PCNX2: variants seen among roughly 807,000 people sequenced by gnomAD.
The protein encoded by PCNX2 is pecanex 2, also known as pecanex-like protein 2.
Under a neutral mutation model 223.8 loss-of-function variants are expected in PCNX2, and 168 were observed. The ratio of observed to expected loss-of-function variants is 0.75; its 90% CI spans 0.66 to 0.85. The LOEUF (loss-of-function observed/expected upper bound fraction) is 0.85. Ranked by LOEUF, PCNX2 falls within the 40% of genes least tolerant of loss-of-function variation. The probability of loss-of-function intolerance (pLI) is 0.00; values close to 1 mark genes in which losing one functional copy is unlikely to be tolerated. For synonymous variants in PCNX2, 1,006 were observed against 1,052.6 expected (o/e 0.96, Z 0.86); for missense variants, 2,507 against 2,675.5 (o/e 0.94, Z 1.39).
In PCNX2 at chr1:233,093,068, G is replaced by A. The variant is rs150806848; in HGVS notation, c.3946+2687C>T. Among the ~76,000 whole-genome samples, 82 of 152,216 alleles carry A rather than the reference G, an allele frequency of 5.4e-4. No homozygotes were observed. In the East Asian group the frequency reaches 0.013, roughly 23 times the overall value. On this transcript the variant is annotated intron_variant, in intron 22 of 33. Transcript: ENST00000258229. The stretch of plus-strand genomic sequence containing the variant: ...CCCTCCTTGGCCTCCCAAAGTGCTG[G>A]GATTACAGGCGTGAGCCACTGTGCC...
At chr1:233,068,643 C>G (rs1672720310) in intron 23 of PCNX2, among the ~76,000 whole-genome samples, 1 of 151,910 alleles carries the variant, frequency 6.6e-6, no homozygotes, top group Non-Finnish European at 1.5e-5. Flanking sequence ...ATGACAGTAC[C>G]AGTAGATTTT....
At chr1:233,102,304 A>G (rs915934467) in intron 21 of PCNX2, among the ~76,000 whole-genome samples, 37 of 152,094 alleles carry the variant, frequency 2.4e-4, no homozygotes, top group African/African-American at 8.9e-4. Flanking sequence ...GGTTGATTCC[A>G]TATTTTGGCT....
At chr1:233,326,287 T>C in the PCNX2 span, among the ~76,000 whole-genome samples, 1 of 152,238 alleles carries the variant, frequency 6.6e-6, no homozygotes, top group African/African-American at 2.4e-5. Context: ...AGTATGCCCA[T>C]ACTTTAAATA....
chr1:233,055,806 C>T (rs1672171826), intron 24 of PCNX2, among the ~76,000 whole-genome samples: 1 of 152,128 alleles, frequency 6.6e-6, no homozygotes, highest in South Asian at 2.1e-4. Flanking sequence ...GGGATGAAGA[C>T]TGCAGATCTG....
intron 21 of PCNX2, among the ~76,000 whole-genome samples, chr1:233,132,873 C>T (rs1325880495): frequency 6.6e-6 from 1 of 151,390 alleles, no homozygotes; most frequent in African/African-American, 2.4e-5. Flanking sequence ...GGATTGAACT[C>T]CTCTGGCACA....
chr1:233,309,050 A>C, the PCNX2 span, among the ~76,000 whole-genome samples: 1 of 152,196 alleles, frequency 6.6e-6, no homozygotes, highest in Non-Finnish European at 1.5e-5. Flanking sequence ...AAGAGGCAAA[A>C]GTTCCTCAGA....
intron 21 of PCNX2, among the ~76,000 whole-genome samples, chr1:233,102,251 T>C (rs767592168): frequency 3.7e-4 from 57 of 152,292 alleles, no homozygotes; most frequent in Non-Finnish European, 6.2e-4. Flanking sequence ...ATTGTGTATA[T>C]ATACACGGTT....
rs147858811 is a variant in PCNX2 at position 232,995,455 on chromosome 1, T to C, written c.5791+2796A>G. ...AGAAATTAACAGCTGGTTTAGGCTTTAGTAGATCCTGCTCCAGAGTAAGCG... is the reference window on the plus strand; with the variant it reads ...AGAAATTAACAGCTGGTTTAGGCTTCAGTAGATCCTGCTCCAGAGTAAGCG... On this transcript the variant is annotated intron_variant, in intron 32 of 33. Coordinates refer to ENST00000258229, the MANE Select transcript of PCNX2 (RefSeq NM_014801.4). 7.7e-4 allele frequency among the ~76,000 whole-genome samples: 118 copies of C among 152,300 alleles called. 1 individual carries two copies. The highest frequency in any genetic ancestry group is 2.5e-3 in the African/African-American group (103 of 41,538).
At chr1:233,161,226 G>C (rs756486806) in intron 18 of PCNX2, 45 bp downstream of exon 18, 3 of 1,531,414 alleles carry the variant, frequency 2.0e-6, no homozygotes, top group East Asian at 2.3e-5. Flanking sequence ...TTGTTATTAA[G>C]GAGAATAAGG....
At chr1:233,244,619 G>A (rs1248529689) in intron 8 of PCNX2, among the ~76,000 whole-genome samples, 1 of 152,144 alleles carries the variant, frequency 6.6e-6, no homozygotes, top group Non-Finnish European at 1.5e-5. Flanking sequence ...GGATGAGGCA[G>A]GAGAATTGTT....
At chr1:233,021,227 T>C (rs1670878343) in intron 26 of PCNX2, among the ~76,000 whole-genome samples, 1 of 152,084 alleles carries the variant, frequency 6.6e-6, no homozygotes, top group Non-Finnish European at 1.5e-5. Context: ...GCAGTACCAA[T>C]GTGAATTAAA....
chr1:233,137,224 C>T (rs954924892), intron 20 of PCNX2, among the ~76,000 whole-genome samples: 4 of 152,150 alleles, frequency 2.6e-5, no homozygotes, highest in African/African-American at 9.7e-5. Flanking sequence ...CTGAGTTCTC[C>T]GGTTTCCTCA....
intron 1 of PCNX2, chr1:233,289,347 A>C: frequency 8.9e-7 from 1 of 1,124,808 alleles, no homozygotes; most frequent in Non-Finnish European, 1.4e-6. Flanking sequence ...CTTGAGGTCC[A>C]AGTTCATCTC....
At position 233,016,983 on chromosome 1, in the gene PCNX2, G is replaced by A. The variant is rs751554663; in HGVS notation, c.4777C>T (p.Arg1593Ter). 32 of 1,613,718 alleles carry A rather than the reference G, an allele frequency of 2.0e-5. No homozygotes were observed. Among genetic ancestry groups the A allele is most frequent in the Non-Finnish European group, 2.4e-5 (28 of 1,179,710 alleles). The stretch of plus-strand genomic sequence containing the variant: ...AGATAAACATTGCAGAAGCTAGCTC[G>A]TGTGATCCCCTGGAGACACGGGACG... ...DYVPCLQGITRASFCNVYLEW... is the reference protein window; with the variant it reads ...DYVPCLQGIT Residue 1593 changes from arginine to a stop codon, truncating the protein, a stop_gained, in exon 27 of 34, where the codon CGA (arginine) becomes TGA (stop). Coordinates refer to ENST00000258229, the MANE Select transcript of PCNX2 (RefSeq NM_014801.4). LOFTEE classifies it high-confidence loss of function.
chr1:233,287,961 T>G lies in PCNX2; in HGVS notation c.153+7365A>C, dbSNP rs990186885. ...CATATGTGCTCAGAAGCGTTGGCTGTGATTCTTACCTATTCCAATAATAGT... is the reference window on the plus strand; with the variant it reads ...CATATGTGCTCAGAAGCGTTGGCTGGGATTCTTACCTATTCCAATAATAGT... On this transcript the variant is annotated intron_variant, in intron 1 of 33. Transcript: ENST00000258229. Among the ~76,000 whole-genome samples the G allele has an allele frequency of 3.3e-5, 5 of 152,200 alleles. No homozygotes were observed. The East Asian group carries it at 5.8e-4, about 18-fold the overall frequency.
intron 25 of PCNX2, among the ~76,000 whole-genome samples, chr1:233,042,861 CTAAA>C (rs887205482): frequency 5.3e-5 from 8 of 152,066 alleles, no homozygotes; most frequent in African/African-American, 1.9e-4. Flanking sequence ...GTTTAATGAA[CTAAA>C]TAAACACTAT....
rs1440002051 is a variant in PCNX2, at chr1:233,057,276, T to G, written c.4091A>C (p.Asp1364Ala). The change falls in exon 24 of 34, where the codon GAT becomes GCT. Residue 1364 changes from aspartate (D) to alanine (A), a missense_variant. Physicochemically the swap from Asp to Ala is moderately radical, Grantham distance 126 (BLOSUM62 -2). Around this residue, in one of 3 missense-constraint regions of PCNX2, gnomAD observed 1,372 missense variants for 1,509.4 expected, o/e 0.91. Coordinates refer to ENST00000258229, the MANE Select transcript of PCNX2 (RefSeq NM_014801.4). ...GACTGCCAGTCTTGTGTTGGAATTA[T>G]CCACTCGCCTTGTACTAGAAGAGGC... ...WEKNYNTRRV[D>A]NSNTRLAVQI... 1 of 1,610,182 alleles carries G rather than the reference T, an allele frequency of 6.2e-7. No individual in the cohort carries two copies.
chr1:233,014,936 A>C lies in PCNX2; in HGVS notation c.4840-159T>G, dbSNP rs535926945. ...AGACAGGGAATGCTCAGCTTCCTGA[A>C]GCAGTTTCTCCTGTGGTTGGACACG... On this transcript the variant is annotated intron_variant, in intron 27 of 33. Coordinates refer to ENST00000258229, the MANE Select transcript of PCNX2 (RefSeq NM_014801.4). Among the ~76,000 whole-genome samples the C allele has an allele frequency of 5.9e-5, 9 of 152,336 alleles. No homozygotes were observed. In the South Asian group the frequency reaches 1.9e-3, roughly 32 times the overall value.
intron 10 of PCNX2, among the ~76,000 whole-genome samples, chr1:233,223,218 A>G (rs1657495935): frequency 6.6e-6 from 1 of 152,196 alleles, no homozygotes; most frequent in Admixed American, 6.5e-5. Flanking sequence ...AACTCTGTCA[A>G]ATACTCCAAA....
Sources: gnomAD v4.1 joint callset for allele counts (sites outside exome capture counted in the v4.1 genomes callset) on GRCh38, gnomAD v4.1.1 for gene constraint, gnomAD v4.1.1 regional missense constraint, MANE v1.5 for transcripts, NCBI Gene and HGNC (gene_info 2026-07-23, HGNC 2026-07-21) for gene names.